Variants in NFS1 observed in about 807,000 individuals in gnomAD.
NFS1 encodes the protein cysteine desulfurase.
In NFS1, 26 loss-of-function variants were observed where a neutral mutation model predicts 57.3. That is an observed-to-expected ratio of 0.45 (90% CI 0.33 to 0.63). The LOEUF is 0.63. Ranked by LOEUF, NFS1 falls within the 20% of genes least tolerant of loss-of-function variation. NFS1 has a pLI of 0.02. For synonymous variants in NFS1, 209 were observed against 216.3 expected (o/e 0.97, Z 0.30); for missense variants, 505 against 605.8 (o/e 0.83, Z 1.75).
chr20:35,672,326 C>T (rs1012255998), intron 12 of NFS1, among the ~76,000 whole-genome samples: 10 of 151,452 alleles, frequency 6.6e-5, no homozygotes, highest in South Asian at 2.1e-4. Context: ...CTTGGCTCAA[C>T]GCAACCTCCC....
At chr20:35,687,730 T>A (rs1294582897) in intron 5 of NFS1, among the ~76,000 whole-genome samples, 3 of 152,114 alleles carry the variant, frequency 2.0e-5, no homozygotes, top group Non-Finnish European at 2.9e-5. Flanking sequence ...GGCTGGACCC[T>A]ACAAAAGGAC....
intron 12 of NFS1, among the ~76,000 whole-genome samples, chr20:35,670,070 C>G (rs2034628610): frequency 6.6e-6 from 1 of 152,218 alleles, no homozygotes; most frequent in Non-Finnish European, 1.5e-5. Flanking sequence ...CTAGTTTAAG[C>G]CTCTCTTCAT....
chr20:35,669,351 G>A lies in NFS1; in HGVS notation c.*271C>T. ...ACCAAGAGCACAGATGTGCCCAGCA[G>A]CAATATGACAGCAAATGTCTCTATG... On this transcript the variant is annotated 3_prime_UTR_variant, in exon 13 of 13. Transcript: ENST00000374092. The A allele has an allele frequency of 2.8e-6, 1 of 354,872 alleles. No individual in the cohort carries two copies. Among genetic ancestry groups the A allele is most frequent in the Non-Finnish European group, 5.2e-6 (1 of 190,868 alleles). The allele number at this position is 354,872 out of a possible 1,614,324, so 22.0% of individuals were successfully genotyped here. A position where few individuals can be genotyped will look rare whatever the true frequency, so the allele number is the denominator to read the frequency against.
chr20:35,681,975 C>T lies in NFS1; in HGVS notation c.568G>A (p.Glu190Lys). 1 of 1,597,052 alleles carries T rather than the reference C, an allele frequency of 6.3e-7. No homozygotes were observed. Among genetic ancestry groups the T allele is most frequent in the Non-Finnish European group, 8.6e-7 (1 of 1,164,608 alleles). The part of the protein sequence containing the change: ...KSGIIDLKEL[E>K]AAIQPDTSLV... ...CTAGTATCTGGCTGGATAGCAGCCT[C>T]TAGTTCCTAGGGATATGCAGGAGTA... The change falls in exon 6 of 13, where the codon GAG (glutamate) becomes AAG (lysine). Residue 190 changes from glutamate (E) to lysine (K), a missense_variant. Coordinates refer to ENST00000374092, the MANE Select transcript of NFS1 (RefSeq NM_021100.5).
intron 2 of NFS1, among the ~76,000 whole-genome samples, chr20:35,698,222 C>T (rs951287666): frequency 6.6e-6 from 1 of 152,202 alleles, no homozygotes; most frequent in East Asian, 1.9e-4. Context: ...ACTAAGTGGC[C>T]GTTCTGCTCA....
At position 35,685,949 on chromosome 20, in the gene NFS1, G is replaced by C. The variant is rs73616698; in HGVS notation, c.562-3968C>G. ...AATTCTTTCTTTATTTTTTTTTTGA[G>C]ATGGAGTCTTGCTTTTGTCACCCAG... On this transcript the variant is annotated intron_variant, in intron 5 of 12. Transcript: ENST00000374092. 6.3e-3 allele frequency among the ~76,000 whole-genome samples: 927 copies of C among 146,556 alleles called. 8 individuals carry two copies. The highest frequency in any genetic ancestry group is 0.04 in the East Asian group (193 of 4,810).
At chr20:35,690,330 T>C in intron 5 of NFS1, 83 bp downstream of exon 5, 2 of 1,357,532 alleles carry the variant, frequency 1.5e-6, no homozygotes, top group Non-Finnish European at 2.0e-6. Flanking sequence ...TCCTTCAAGC[T>C]CCAGCTAGGG....
Position 35,675,136 on chromosome 20 carries a change from C to A in NFS1, c.857G>T (p.Gly286Val), listed in dbSNP as rs2034719673. ...VRVEALQSGGGQERGMRSGTV... is the reference protein window; with the variant it reads ...VRVEALQSGGVQERGMRSGTV... ...CCCAGACCGCATACCCCGCTCCTGCCCCCCTCCACTCTGCAGGGCCTCCAC... is the reference window on the plus strand; with the variant it reads ...CCCAGACCGCATACCCCGCTCCTGCACCCCTCCACTCTGCAGGGCCTCCAC... Residue 286 changes from glycine to valine, a missense_variant, in exon 8 of 13, where the codon GGG becomes GTG. Coordinates refer to ENST00000374092, the MANE Select transcript of NFS1 (RefSeq NM_021100.5). The A allele has an allele frequency of 1.2e-6, 2 of 1,613,934 alleles. No homozygotes were observed. Among genetic ancestry groups the A allele is most frequent in the South Asian group, 1.1e-5 (1 of 91,084 alleles).
chr20:35,683,651 G>A (rs998950513), intron 5 of NFS1, among the ~76,000 whole-genome samples: 19 of 149,008 alleles, frequency 1.3e-4, no homozygotes, highest in Admixed American at 5.4e-4. Flanking sequence ...ATGGTGGCAC[G>A]CGCCCTGTAG....
intron 7 of NFS1, among the ~76,000 whole-genome samples, chr20:35,677,001 G>A (rs2034764727): frequency 6.6e-6 from 1 of 151,920 alleles, no homozygotes; most frequent in African/African-American, 2.4e-5. Flanking sequence ...TGATTAGCTG[G>A]GATTACAGGC....
chr20:35,672,741 T>C lies in NFS1; in HGVS notation c.1310+14A>G, dbSNP rs1233467196. On this transcript the variant is annotated intron_variant, in intron 12 of 12. Coordinates refer to ENST00000374092, the MANE Select transcript of NFS1 (RefSeq NM_021100.5). ...AGAGTTTCTTCCAAAGCGTCTCTGA[T>C]ACAATATGTATACCTCATTTCTCGA... is the stretch of plus-strand genomic sequence containing the variant. 2 of 1,568,118 alleles carry C rather than the reference T, an allele frequency of 1.3e-6. No individual in the cohort carries two copies. The highest frequency in any genetic ancestry group is 1.1e-5 in the South Asian group (1 of 90,204).
intron 3 of NFS1, among the ~76,000 whole-genome samples, chr20:35,696,690 C>G (rs1401618763): frequency 1.3e-5 from 2 of 152,032 alleles, no homozygotes; most frequent in Non-Finnish European, 2.9e-5. Flanking sequence ...AACTATTGGC[C>G]AGGTGTGGTG....
Position 35,699,304 on chromosome 20 carries a change from G to T in NFS1, c.-16C>A. 7.2e-7 allele frequency: 1 copy of T among 1,398,308 alleles called. No homozygotes were observed. The highest frequency in any genetic ancestry group is 9.2e-7 in the Non-Finnish European group (1 of 1,083,802). 86.6% of individuals were successfully genotyped at this position (1,398,308 alleles called of 1,614,324 possible). Reference sequence around the variant, plus strand: ...GGAGCAGCATGGTCCCGCTGGCAGAGCCCACCTTCCGAAGCCGCTGCAGTC... The same window carrying T: ...GGAGCAGCATGGTCCCGCTGGCAGATCCCACCTTCCGAAGCCGCTGCAGTC... On this transcript the variant is annotated 5_prime_UTR_variant, in exon 1 of 13. Transcript: ENST00000374092. The surrounding 1 kb of genome is among the most constrained non-coding windows in gnomAD (Gnocchi z 4.4).
intron 4 of NFS1, among the ~76,000 whole-genome samples, chr20:35,692,000 T>C (rs1303642422): frequency 1.3e-5 from 2 of 151,584 alleles, no homozygotes; most frequent in African/African-American, 2.4e-5. Flanking sequence ...CTGACCAACA[T>C]GGAAAAACTC....
At chr20:35,698,892 C>G in intron 1 of NFS1, 1 of 1,326,064 alleles carries the variant, frequency 7.5e-7, no homozygotes, top group Non-Finnish European at 9.6e-7. Flanking sequence ...GGTGCAGTCC[C>G]TTCTGACCGA....
At chr20:35,698,976 A>T in intron 1 of NFS1, 1 of 1,322,256 alleles carries the variant, frequency 7.6e-7, no homozygotes, top group Non-Finnish European at 9.6e-7. Flanking sequence ...ACGCGCCTCC[A>T]CGGCTCTGGG....
chr20:35,690,684 TA>T lies in NFS1; in HGVS notation c.409-120del, dbSNP rs56113530. The T allele has an allele frequency of 0.06, 56,560 of 942,432 alleles. 2,432 individuals carry two copies. Among genetic ancestry groups the T allele is most frequent in the South Asian group, 0.18 (11,450 of 64,908 alleles). 58.4% of individuals were successfully genotyped at this position (942,432 alleles called of 1,614,324 possible). A position where few individuals can be genotyped will look rare whatever the true frequency, so the allele number is the denominator to read the frequency against. ...GTATGCTCCAACACCAGTTCTCTCA[TA>T]CCAACTGAGTATCCTATAATTCAAT... is the stretch of plus-strand genomic sequence containing the variant. On this transcript the variant is annotated intron_variant, in intron 4 of 12. Coordinates refer to ENST00000374092, the MANE Select transcript of NFS1 (RefSeq NM_021100.5).
chr20:35,671,266 A>C (rs1439192995), intron 12 of NFS1, among the ~76,000 whole-genome samples: 1 of 152,114 alleles, frequency 6.6e-6, no homozygotes, highest in Non-Finnish European at 1.5e-5. Context: ...ATGCCAGGCT[A>C]ATTTTTTTGT....
At chr20:35,684,469 G>A (rs916069212) in intron 5 of NFS1, among the ~76,000 whole-genome samples, 1 of 138,060 alleles carries the variant, frequency 7.2e-6, no homozygotes, top group Non-Finnish European at 1.6e-5. Flanking sequence ...ATAAAATAAG[G>A]GCCGGGCATG....
Sources: gnomAD v4.1 joint callset for allele counts (sites outside exome capture counted in the v4.1 genomes callset) on GRCh38, gnomAD v4.1.1 for gene constraint, Gnocchi (gnomAD v3.1) non-coding constraint, MANE v1.5 for transcripts, NCBI Gene and HGNC (gene_info 2026-07-23, HGNC 2026-07-21) for gene names.